The following AKT3 variants were observed in gnomAD, a reference collection of about 807,000 sequenced individuals.
AKT3 encodes the protein AKT serine/threonine kinase 3.
Under a neutral mutation model 65.3 loss-of-function variants are expected in AKT3, and 15 were observed. The observed-to-expected ratio is 0.23, with a 90% CI of 0.15 to 0.35. The LOEUF (loss-of-function observed/expected upper bound fraction) is 0.35. Among genes scored for constraint, AKT3 ranks in the 10% least tolerant of loss-of-function variants. The pLI is 1.00. For missense variants in AKT3, 243 were observed against 576.5 expected (o/e 0.42, Z 5.92); for synonymous variants, 206 against 183.8 (o/e 1.12, Z -0.98).
chr1:243,653,196 C>T (rs1467345049), intron 4 of AKT3, among the ~76,000 whole-genome samples: 1 of 152,116 alleles, frequency 6.6e-6, no homozygotes, highest in African/African-American at 2.4e-5. Context: ...TACAAACTAC[C>T]ATCAGAGAAT....
chr1:243,756,522 G>T (rs1689150365), intron 2 of AKT3, among the ~76,000 whole-genome samples: 1 of 152,120 alleles, frequency 6.6e-6, no homozygotes, highest in Non-Finnish European at 1.5e-5. Context: ...AAAACACTAT[G>T]ACTCATTTGT....
chr1:243,539,143 T>C (rs987992527), intron 12 of AKT3, among the ~76,000 whole-genome samples: 1 of 152,032 alleles, frequency 6.6e-6, no homozygotes, highest in Non-Finnish European at 1.5e-5. Flanking sequence ...TGAGATTGAA[T>C]TGCATGGGCC....
intron 2 of AKT3, among the ~76,000 whole-genome samples, chr1:243,812,928 C>A (rs1471644986): frequency 1.3e-5 from 2 of 149,494 alleles, no homozygotes; most frequent in African/African-American, 4.9e-5. Context: ...CACAAAAAAC[C>A]AAACATCGCA....
intron 2 of AKT3, among the ~76,000 whole-genome samples, chr1:243,810,381 G>C (rs1444712630): frequency 1.3e-5 from 2 of 152,164 alleles, no homozygotes; most frequent in African/African-American, 4.8e-5. Flanking sequence ...ACTACTATCA[G>C]AGAATACTAT....
At chr1:243,650,455 G>T (rs1156490638) in intron 4 of AKT3, among the ~76,000 whole-genome samples, 4 of 152,088 alleles carry the variant, frequency 2.6e-5, no homozygotes, top group Admixed American at 6.5e-5. Flanking sequence ...CATTGCTTTT[G>T]GTGTTTTAGA....
chr1:243,596,687 A>G (rs1162428228), intron 8 of AKT3, among the ~76,000 whole-genome samples: 2 of 152,334 alleles, frequency 1.3e-5, no homozygotes, highest in Non-Finnish European at 1.5e-5. Context: ...ATGTAAGCAT[A>G]TGCTTACCAT....
At chr1:243,497,740 AC>A (rs1374896490), downstream of AKT3, among the ~76,000 whole-genome samples, 1 of 152,112 alleles carries the variant, frequency 6.6e-6, no homozygotes, top group Non-Finnish European at 1.5e-5. Context: ...TGTGTTCTCT[AC>A]CCAAAATTCA....
intron 2 of AKT3, among the ~76,000 whole-genome samples, chr1:243,798,706 A>C (rs1242051332): frequency 6.6e-6 from 1 of 152,046 alleles, no homozygotes; most frequent in Non-Finnish European, 1.5e-5. Context: ...CTCTTACTAC[A>C]TGTTCAACCT....
chr1:243,593,518 C>T (rs1676381345), intron 8 of AKT3, among the ~76,000 whole-genome samples: 1 of 152,130 alleles, frequency 6.6e-6, no homozygotes, highest in Non-Finnish European at 1.5e-5. Context: ...GAAACCCCAA[C>T]TCTAATAAAA....
intron 2 of AKT3, chr1:243,793,268 T>C (rs1420838285): frequency 6.6e-6 from 1 of 152,164 alleles, no homozygotes; most frequent in African/African-American, 2.4e-5. Context: ...TTTTACATAT[T>C]TTTAGGGACA....
chr1:243,622,468 C>T (rs914414308), intron 6 of AKT3, among the ~76,000 whole-genome samples: 7 of 152,146 alleles, frequency 4.6e-5, no homozygotes, highest in Admixed American at 4.6e-4. Context: ...TCTCTAATTG[C>T]TGACTTGAAT....
At chr1:243,805,526 A>T (rs1269544702) in intron 2 of AKT3, among the ~76,000 whole-genome samples, 1 of 152,220 alleles carries the variant, frequency 6.6e-6, no homozygotes, top group Non-Finnish European at 1.5e-5. Context: ...GTATTTAAGC[A>T]TCACTCTTCC....
intron 4 of AKT3, among the ~76,000 whole-genome samples, chr1:243,661,656 A>G (rs1682344107): frequency 1.3e-5 from 2 of 151,968 alleles, no homozygotes; most frequent in South Asian, 4.1e-4. Context: ...CAAGGACTTC[A>G]TGTCTAAAAC....
At position 243,824,962 on chromosome 1, in the gene AKT3, T is replaced by C. The variant is rs150587109; in HGVS notation, c.46+18163A>G. ...ATAAAGATACATGCAGGTATGTTCATTGCAGCACTATTCCTGATAGCAAAG... is the reference window on the plus strand; with the variant it reads ...ATAAAGATACATGCAGGTATGTTCACTGCAGCACTATTCCTGATAGCAAAG... On this transcript the variant is annotated intron_variant, in intron 2 of 13. Transcript: ENST00000673466. Among the ~76,000 whole-genome samples, 14 of 152,336 alleles carry C rather than the reference T, an allele frequency of 9.2e-5. No individual in the cohort carries two copies. The South Asian group carries it at 2.3e-3, about 25-fold the overall frequency.
At chr1:243,750,434 C>T (rs796211243) in intron 2 of AKT3, among the ~76,000 whole-genome samples, 3 of 150,612 alleles carry the variant, frequency 2.0e-5, no homozygotes, top group African/African-American at 4.9e-5. Flanking sequence ...CACACACACA[C>T]GCACGCACGC....
chr1:243,780,495 TG>T (rs147583763), intron 2 of AKT3, among the ~76,000 whole-genome samples: 2,490 of 151,928 alleles, frequency 0.016, 84 homozygotes, highest in African/African-American at 0.056. Context: ...GGAGGCATCA[TG>T]TCTCAAATTT....
At chr1:243,664,963 AT>A in intron 3 of AKT3, 80 bp from the exon 4 acceptor site, 1 of 711,302 alleles carries the variant, frequency 1.4e-6, no homozygotes, top group Non-Finnish European at 2.0e-6. Context: ...ACAGAGTTCT[AT>A]TTTAAACAAA....
Position 243,695,798 on chromosome 1 carries a change from A to G in AKT3, c.47-82T>C, listed in dbSNP as rs1341626921. 3 of 1,318,742 alleles carry G rather than the reference A, an allele frequency of 2.3e-6. No individual in the cohort carries two copies. In the East Asian group the frequency reaches 7.9e-5, roughly 35 times the overall value. The allele number at this position is 1,318,742 out of a possible 1,614,324, so 81.7% of individuals were successfully genotyped here. ...CAAAAAATAAATTATGGTACAATATATGTCCTACAACACTGGCCTCCAAAA... is the reference window on the plus strand; with the variant it reads ...CAAAAAATAAATTATGGTACAATATGTGTCCTACAACACTGGCCTCCAAAA... On this transcript the variant is annotated intron_variant, in intron 2 of 13. Coordinates refer to ENST00000673466, the MANE Select transcript of AKT3 (RefSeq NM_005465.7).
At position 243,502,697 on chromosome 1, in the gene AKT3, G is replaced by A. The variant is rs1319162196; in HGVS notation, c.*2552C>T. On this transcript the variant is annotated 3_prime_UTR_variant, in exon 14 of 14. Coordinates refer to ENST00000673466, the MANE Select transcript of AKT3 (RefSeq NM_005465.7). ...AAAATAGGGGATTCTCAAAATCAAA[G>A]CCAAGAAGACACCTTGTGTGACACC... The A allele has an allele frequency of 4.3e-6, 1 of 233,156 alleles. No individual in the cohort carries two copies. Among genetic ancestry groups the A allele is most frequent in the African/African-American group, 2.2e-5 (1 of 45,350 alleles). 14.4% of individuals were successfully genotyped at this position (233,156 alleles called of 1,614,324 possible).
Sources: allele counts gnomAD v4.1 joint callset (sites outside exome capture counted in the v4.1 genomes callset), GRCh38; gene constraint gnomAD v4.1.1; transcripts MANE v1.5; gene names NCBI Gene and HGNC (gene_info 2026-07-23, HGNC 2026-07-21).